UGT1A5: variants seen among roughly 807,000 people sequenced by gnomAD.
UGT1A5 encodes the protein UDP glucuronosyltransferase family 1 member A5, also known as UDP-glucuronosyltransferase 1A5.
Under a neutral mutation model 40.3 loss-of-function variants are expected in UGT1A5, and 29 were observed. The ratio of observed to expected loss-of-function variants is 0.72; its 90% CI spans 0.54 to 0.98. UGT1A5 has a LOEUF of 0.98. Ranked by LOEUF, UGT1A5 falls within the 50% of genes least tolerant of loss-of-function variation. The pLI, the probability that UGT1A5 is intolerant of heterozygous loss-of-function variation, is 0.00. For synonymous variants in UGT1A5, 257 were observed against 262.5 expected (o/e 0.98, Z 0.20); for missense variants, 678 against 677.9 (o/e 1.00, Z 0.00).
Position 233,769,314 on chromosome 2 carries a change from T to A in UGT1A5, c.1307+875T>A, listed in dbSNP as rs551966060. Among the ~76,000 whole-genome samples, 1 of 152,360 alleles carries A rather than the reference T, an allele frequency of 6.6e-6. No individual in the cohort carries two copies. The highest frequency in any genetic ancestry group is 2.1e-4 in the South Asian group (1 of 4,826). ...TAAAGTTAGTATATTACTGTCAAGC[T>A]CACTGGTAATAGGCTTATTAGAACC... is the stretch of plus-strand genomic sequence containing the variant. On this transcript the variant is annotated intron_variant, in intron 4 of 4. Coordinates refer to ENST00000373414, the MANE Select transcript of UGT1A5 (RefSeq NM_019078.2). This position sits in a 1 kb window ranked among gnomAD's most constrained non-coding sequence, Gnocchi z 4.4.
At chr2:233,717,189 G>A (rs769962045) in intron 1 of UGT1A5, among the ~76,000 whole-genome samples, 4 of 152,156 alleles carry the variant, frequency 2.6e-5, no homozygotes, top group South Asian at 2.1e-4. Context: ...CACCCTCCCA[G>A]GCATGTTCCA....
rs371639452 is a variant in UGT1A5 at position 233,765,570 on chromosome 2, C to T, written c.868-1464C>T. 3.9e-5 allele frequency among the ~76,000 whole-genome samples: 6 copies of T among 151,906 alleles called. No individual in the cohort carries two copies. In the South Asian group the frequency reaches 1.0e-3, roughly 26 times the overall value. ...GAGTTGAACAGTGAGAATGCGTAGACGCAGGGAGGGGAACAACACACACCA... is the reference window on the plus strand; with the variant it reads ...GAGTTGAACAGTGAGAATGCGTAGATGCAGGGAGGGGAACAACACACACCA... On this transcript the variant is annotated intron_variant, in intron 1 of 4. Coordinates refer to ENST00000373414, the MANE Select transcript of UGT1A5 (RefSeq NM_019078.2).
intron 1 of UGT1A5, chr2:233,755,811 GA>G (rs2125938248): frequency 6.6e-6 from 1 of 152,252 alleles, no homozygotes; most frequent in East Asian, 1.9e-4. Flanking sequence ...GATTAAAACA[GA>G]ATTAAAAAGA....
At chr2:233,748,060 A>G in intron 1 of UGT1A5, 2 of 1,613,404 alleles carry the variant, frequency 1.2e-6, no homozygotes, top group Non-Finnish European at 1.7e-6. Flanking sequence ...AACTGTGCCA[A>G]CAGGAAGCCA....
chr2:233,745,788 G>T (rs1003270220), intron 1 of UGT1A5, among the ~76,000 whole-genome samples: 2 of 150,764 alleles, frequency 1.3e-5, no homozygotes, highest in African/African-American at 4.9e-5. Flanking sequence ...AGACAGGGGG[G>T]CTGGGGTCTA....
At chr2:233,726,389 CAT>C (rs2077529485) in intron 1 of UGT1A5, among the ~76,000 whole-genome samples, 1 of 152,150 alleles carries the variant, frequency 6.6e-6, no homozygotes, top group Non-Finnish European at 1.5e-5. Flanking sequence ...GCTTCCATCT[CAT>C]AGTCTTTTGA....
At chr2:233,718,247 CA>C (rs1259915716) in intron 1 of UGT1A5, among the ~76,000 whole-genome samples, 1 of 152,186 alleles carries the variant, frequency 6.6e-6, no homozygotes, top group African/African-American at 2.4e-5. Flanking sequence ...TTGAGCTTTA[CA>C]AGAAATATCC....
chr2:233,724,950 A>C (rs2077335462), intron 1 of UGT1A5, among the ~76,000 whole-genome samples: 2 of 143,906 alleles, frequency 1.4e-5, no homozygotes, highest in Non-Finnish European at 1.5e-5. Flanking sequence ...CAATCCCGGC[A>C]CCTCGGGAGG....
chr2:233,760,973 C>A lies in UGT1A5; in HGVS notation c.868-6061C>A, dbSNP rs35350960. 4.8e-4 allele frequency: 769 copies of A among 1,614,172 alleles called. 15 individuals carry two copies. The East Asian group carries it at 0.013, about 27-fold the overall frequency. The stretch of plus-strand genomic sequence containing the variant: ...TTTCTGTGCGACGTGGTTTATTCCC[C>A]GTATGCAACCCTTGCCTCAGAATTC... On this transcript the variant is annotated intron_variant, in intron 1 of 4. Coordinates refer to ENST00000373414, the MANE Select transcript of UGT1A5 (RefSeq NM_019078.2).
rs763644438 is a variant in UGT1A5 at position 233,767,047 on chromosome 2, ACATTAATGCTTC to A, written c.882_893del (p.Ile295_Ser298del). The A allele has an allele frequency of 7.4e-6, 12 of 1,614,036 alleles. No homozygotes were observed. The highest frequency in any genetic ancestry group is 9.3e-6 in the Non-Finnish European group (11 of 1,180,022). The stretch of plus-strand genomic sequence containing the variant: ...TTCTGGCTCTAGGAATTTGAAGCCT[ACATTAATGCTTC>A]TGGAGAACATGGAATTGTGGTTTTC... On this transcript the variant is annotated inframe_deletion, in exon 2 of 5. Coordinates refer to ENST00000373414, the MANE Select transcript of UGT1A5 (RefSeq NM_019078.2).
At chr2:233,726,418 C>G (rs1368696095) in intron 1 of UGT1A5, among the ~76,000 whole-genome samples, 1 of 152,176 alleles carries the variant, frequency 6.6e-6, no homozygotes, top group African/African-American at 2.4e-5. Flanking sequence ...CATTCTGATT[C>G]TGTCCACTCT....
At chr2:233,767,193 T>G (rs373415241) in intron 2 of UGT1A5, 28 bp downstream of exon 2, 1 of 1,613,806 alleles carries the variant, frequency 6.2e-7, no homozygotes. Context: ...CATGGCCTCA[T>G]ATCTATTTTC....
intron 1 of UGT1A5, among the ~76,000 whole-genome samples, chr2:233,757,571 A>T (rs112550375): frequency 1.3e-5 from 1 of 77,332 alleles, no homozygotes; most frequent in African/African-American, 6.0e-5. Context: ...TGTATATATG[A>T]TATAGCTATA....
chr2:233,722,845 CTT>C (rs61550889), intron 1 of UGT1A5, among the ~76,000 whole-genome samples: 22 of 135,308 alleles, frequency 1.6e-4, no homozygotes, highest in African/African-American at 3.8e-4. Flanking sequence ...AAGAATGTTT[CTT>C]TTTTTTTTTT....
rs2076334398 is a variant in UGT1A5 at position 233,713,619 on chromosome 2, AG to A, written c.631del (p.Val211SerfsTer52). Reference sequence around the variant, plus strand: ...TTCAGACCACATGACATTCCTGCAAAGGGTCAAGAACATGCTCTACCCTCTG... The same window carrying A: ...TTCAGACCACATGACATTCCTGCAAAGGTCAAGAACATGCTCTACCCTCTG... ...TNSDHMTFLQRVKNMLYPLAL... is the reference protein window; with the variant it reads ...TNSDHMTFLQXVKNMLYPLAL... On this transcript the variant is annotated frameshift_variant, in exon 1 of 5. Transcript: ENST00000373414. LOFTEE classifies it high-confidence loss of function. The A allele has an allele frequency of 6.2e-7, 1 of 1,613,856 alleles. No individual in the cohort carries two copies. Among genetic ancestry groups the A allele is most frequent in the African/African-American group, 1.3e-5 (1 of 74,922 alleles).
rs1375960685 is a variant in UGT1A5 at position 233,768,542 on chromosome 2, T to C, written c.1307+103T>C. On this transcript the variant is annotated intron_variant, in intron 4 of 4. Coordinates refer to ENST00000373414, the MANE Select transcript of UGT1A5 (RefSeq NM_019078.2). ...TAGCATTTAATAGCGTTGTTTCAAA[T>C]ATAAAAACAAATACATAAAAATCTG... 2.1e-6 allele frequency: 3 copies of C among 1,457,940 alleles called. No individual in the cohort carries two copies. In the African/African-American group the frequency reaches 4.3e-5, roughly 21 times the overall value. The allele number at this position is 1,457,940 out of a possible 1,614,324, so 90.3% of individuals were successfully genotyped here.
intron 1 of UGT1A5, among the ~76,000 whole-genome samples, chr2:233,732,534 T>G (rs1352796772): frequency 6.6e-6 from 1 of 152,222 alleles, no homozygotes; most frequent in East Asian, 1.9e-4. Context: ...ATATGGCCAG[T>G]TTTCCCAGCA....
intron 1 of UGT1A5, chr2:233,743,102 G>A: frequency 5.7e-6 from 2 of 353,898 alleles, no homozygotes; most frequent in Non-Finnish European, 1.1e-5. Flanking sequence ...CTTGGGTACA[G>A]CTGTTCTGAA....
intron 1 of UGT1A5, among the ~76,000 whole-genome samples, chr2:233,764,044 G>C (rs1237715809): frequency 6.6e-6 from 1 of 152,166 alleles, no homozygotes; most frequent in Non-Finnish European, 1.5e-5. Flanking sequence ...AAGAATTCTG[G>C]GAAAATGAAA....
Sources: allele counts gnomAD v4.1 joint callset (sites outside exome capture counted in the v4.1 genomes callset), GRCh38; gene constraint gnomAD v4.1.1; non-coding constraint Gnocchi (gnomAD v3.1); transcripts MANE v1.5; gene names NCBI Gene and HGNC (gene_info 2026-07-23, HGNC 2026-07-21).